Variants in KLF12 observed in about 807,000 individuals in gnomAD.
KLF12 encodes the protein KLF transcription factor 12.
In KLF12, 9 loss-of-function variants were observed where a neutral mutation model predicts 37.8. The observed-to-expected ratio is 0.24, with a 90% CI of 0.14 to 0.42. The LOEUF is 0.42. Among genes scored for constraint, KLF12 ranks in the 10% least tolerant of loss-of-function variants. KLF12 has a pLI of 1.00. For synonymous variants in KLF12, 208 were observed against 202.1 expected (o/e 1.03, Z -0.25); for missense variants, 411 against 516.0 (o/e 0.80, Z 1.97).
chr13:74,267,100 G>T, the KLF12 span, among the ~76,000 whole-genome samples: 1 of 152,190 alleles, frequency 6.6e-6, no homozygotes, highest in East Asian at 1.9e-4. Context: ...ATGATCTCAT[G>T]AATTATGTAG....
At chr13:74,275,168 T>A in the KLF12 span, among the ~76,000 whole-genome samples, 3 of 152,084 alleles carry the variant, frequency 2.0e-5, no homozygotes, top group African/African-American at 7.2e-5. Flanking sequence ...AATTTGAACT[T>A]TTATGTGTTG....
chr13:73,742,648 T>C (rs946162653), intron 6 of KLF12, among the ~76,000 whole-genome samples: 1 of 152,164 alleles, frequency 6.6e-6, no homozygotes, highest in Non-Finnish European at 1.5e-5. Flanking sequence ...TTAATTCTTC[T>C]AACATCTAAG....
intron 6 of KLF12, among the ~76,000 whole-genome samples, chr13:73,745,270 G>A (rs1019631187): frequency 2.0e-5 from 3 of 152,098 alleles, no homozygotes; most frequent in Admixed American, 6.6e-5. Context: ...TTTTAGGTAG[G>A]AAAGAGGGGA....
chr13:74,069,437 G>A (rs1874100088), intron 1 of KLF12, among the ~76,000 whole-genome samples: 1 of 152,180 alleles, frequency 6.6e-6, no homozygotes, highest in African/African-American at 2.4e-5. Flanking sequence ...TGACACAGAT[G>A]AGGTACGAAG....
intron 3 of KLF12, among the ~76,000 whole-genome samples, chr13:73,865,275 G>A (rs1252199255): frequency 6.6e-6 from 1 of 152,034 alleles, no homozygotes; most frequent in East Asian, 1.9e-4. Context: ...CTTTATGAAA[G>A]GGACCCAAAG....
intron 1 of KLF12, among the ~76,000 whole-genome samples, chr13:74,094,462 G>T (rs1875860516): frequency 6.6e-6 from 1 of 151,908 alleles, no homozygotes; most frequent in Non-Finnish European, 1.5e-5. Context: ...TTACTACTTG[G>T]CTTATCAACT....
At position 73,791,380 on chromosome 13, in the gene KLF12, C is replaced by T. The variant is rs565413249; in HGVS notation, c.806+21772G>A. Among the ~76,000 whole-genome samples, 8 of 152,210 alleles carry T rather than the reference C, an allele frequency of 5.3e-5. No individual in the cohort carries two copies. The South Asian group carries it at 1.7e-3, about 32-fold the overall frequency. ...TTCAATGCAATTTGTCACATTTCCT[C>T]TTTAAACTGTCATTCTTTTTTTTTC... On this transcript the variant is annotated intron_variant, in intron 5 of 7. Coordinates refer to ENST00000377669, the MANE Select transcript of KLF12 (RefSeq NM_007249.5).
At chr13:73,746,375 G>A (rs1254582504) in intron 6 of KLF12, among the ~76,000 whole-genome samples, 2 of 152,174 alleles carry the variant, frequency 1.3e-5, no homozygotes, top group Non-Finnish European at 2.9e-5. Flanking sequence ...AAGAGGCAAT[G>A]CTGTCTTTAT....
At chr13:74,233,814 T>C in the KLF12 span, among the ~76,000 whole-genome samples, 1 of 152,216 alleles carries the variant, frequency 6.6e-6, no homozygotes, top group Non-Finnish European at 1.5e-5. Context: ...TTCCAATAAA[T>C]AACATGGTAA....
chr13:73,706,601 T>C (rs1874965544), intron 7 of KLF12, among the ~76,000 whole-genome samples: 1 of 152,240 alleles, frequency 6.6e-6, no homozygotes, highest in Non-Finnish European at 1.5e-5. Flanking sequence ...ATTTTTTGTT[T>C]TCCTTGTTGG....
intron 2 of KLF12, among the ~76,000 whole-genome samples, chr13:73,992,221 C>A (rs1219840840): frequency 6.6e-6 from 1 of 152,212 alleles, no homozygotes; most frequent in Admixed American, 6.5e-5. Context: ...GCCAGGTCCA[C>A]AACAAGCCAC....
rs571679100 is a variant in KLF12 at position 73,984,336 on chromosome 13, A to G, written c.33+10654T>C. 2.0e-5 allele frequency among the ~76,000 whole-genome samples: 3 copies of G among 152,304 alleles called. No homozygotes were observed. In the South Asian group the frequency reaches 6.2e-4, roughly 32 times the overall value. On this transcript the variant is annotated intron_variant, in intron 2 of 7. Transcript: ENST00000377669. ...GTGCAGCTCACACACACTGTCGCCT[A>G]TGTGCCTGCTCTCCTCGCTGGCACA... is the stretch of plus-strand genomic sequence containing the variant.
chr13:73,991,806 T>C (rs1891977687), intron 2 of KLF12, among the ~76,000 whole-genome samples: 2 of 152,192 alleles, frequency 1.3e-5, no homozygotes, highest in African/African-American at 4.8e-5. Context: ...TAGTTCAAAA[T>C]GGAAGAAAAG....
At chr13:74,010,100 C>T (rs1175579137) in intron 1 of KLF12, among the ~76,000 whole-genome samples, 2 of 152,026 alleles carry the variant, frequency 1.3e-5, no homozygotes, top group African/African-American at 4.8e-5. Flanking sequence ...CAGGCATGCA[C>T]CACCACACCT....
chr13:73,878,235 C>A (rs184126288), intron 3 of KLF12, among the ~76,000 whole-genome samples: 37 of 152,216 alleles, frequency 2.4e-4, no homozygotes, highest in Admixed American at 4.6e-4. Context: ...TATTCCACAA[C>A]CTCTCTTCAC....
Position 73,750,983 on chromosome 13 carries a change from C to G in KLF12, c.869+13955G>C, listed in dbSNP as rs367556580. Among the ~76,000 whole-genome samples the G allele has an allele frequency of 7.2e-5, 11 of 152,274 alleles. No homozygotes were observed. The East Asian group carries it at 1.4e-3, about 19-fold the overall frequency. ...AGGGCTTTGGACTTCTAAATCATGG[C>G]ACACTACCACAGAGTTGTAAAGACA... On this transcript the variant is annotated intron_variant, in intron 6 of 7. Coordinates refer to ENST00000377669, the MANE Select transcript of KLF12 (RefSeq NM_007249.5).
chr13:74,301,343 A>T, the KLF12 span, among the ~76,000 whole-genome samples: 1 of 152,132 alleles, frequency 6.6e-6, no homozygotes, highest in African/African-American at 2.4e-5. Flanking sequence ...CACCCAAAAT[A>T]AGTCAGGGCC....
intron 2 of KLF12, among the ~76,000 whole-genome samples, chr13:73,950,868 T>G (rs1348910222): frequency 6.6e-6 from 1 of 152,074 alleles, no homozygotes. Context: ...TTCTGGGAGA[T>G]GAGGCTAGCA....
chr13:74,174,196 G>T, the KLF12 span, among the ~76,000 whole-genome samples: 1 of 152,104 alleles, frequency 6.6e-6, no homozygotes, highest in East Asian at 1.9e-4. Flanking sequence ...AGGCAGAAAT[G>T]ACTTTATAAA....
Sources: gnomAD v4.1 joint callset for allele counts (sites outside exome capture counted in the v4.1 genomes callset) on GRCh38, gnomAD v4.1.1 for gene constraint, MANE v1.5 for transcripts, NCBI Gene and HGNC (gene_info 2026-07-23, HGNC 2026-07-21) for gene names.